The following TMED6 variants were observed in gnomAD, a reference collection of about 807,000 sequenced individuals.
TMED6 encodes transmembrane emp24 domain-containing protein 6.
TMED6 carries 17 observed loss-of-function variants against 26.5 expected under a neutral mutation model. That is an observed-to-expected ratio of 0.64 (90% CI 0.44 to 0.96). The LOEUF (loss-of-function observed/expected upper bound fraction) is 0.96, where lower values mean the gene tolerates loss of function less well. TMED6 is among the 40% of genes least tolerant of loss of function. The probability of loss-of-function intolerance (pLI) is 0.00; values close to 1 mark genes in which losing one functional copy is unlikely to be tolerated. For missense variants in TMED6, 309 were observed against 296.5 expected (o/e 1.04, Z -0.31); for synonymous variants, 107 against 106.2 (o/e 1.01, Z -0.04).
At chr16:69,345,729 A>AT (rs1256774997) in intron 3 of TMED6, among the ~76,000 whole-genome samples, 4 of 148,040 alleles carry the variant, frequency 2.7e-5, no homozygotes, top group Admixed American at 1.4e-4. Context: ...AAGGATTTTC[A>AT]TTTTTTTGAG....
rs375801873 is a variant in TMED6 at position 69,343,496 on chromosome 16, T to C, written c.634A>G (p.Ile212Val). The change falls in exon 4 of 4, where the codon ATT becomes GTT. Residue 212 changes from isoleucine (I) to valine (V), a missense_variant. By Grantham distance (29) the Ile-to-Val change is conservative. Transcript: ENST00000288025. ...AGTTGCAGGATCCCAGAAAGAATAA[T>C]AACAAGGCTCTGGGCTGTCGACCAC... ...NWWSTAQSLV[I>V]ILSGILQLYF... The C allele has an allele frequency of 2.5e-5, 40 of 1,614,026 alleles. No individual in the cohort carries two copies. The highest frequency in any genetic ancestry group is 3.3e-5 in the South Asian group (3 of 91,092).
intron 3 of TMED6, among the ~76,000 whole-genome samples, chr16:69,347,421 T>C (rs2012703244): frequency 6.6e-6 from 1 of 152,194 alleles, no homozygotes; most frequent in African/African-American, 2.4e-5. Context: ...TGTAGTGGCG[T>C]GATCTCGGCT....
At chr16:69,348,639 C>G (rs527722827) in intron 2 of TMED6, among the ~76,000 whole-genome samples, 1 of 150,888 alleles carries the variant, frequency 6.6e-6, no homozygotes, top group Non-Finnish European at 1.5e-5. Context: ...TTTTTTTAGA[C>G]GAGTCTCGCT....
intron 2 of TMED6, 63 bp from the exon 3 acceptor site, chr16:69,347,999 G>T (rs115830108): frequency 2.4e-5 from 37 of 1,562,406 alleles, no homozygotes; most frequent in Non-Finnish European, 3.2e-5. Flanking sequence ...AGGATTCCCT[G>T]GAGGTATCTG....
intron 1 of TMED6, among the ~76,000 whole-genome samples, chr16:69,350,269 CAAAAA>C (rs532374926): frequency 2.9e-5 from 2 of 70,152 alleles, no homozygotes. Context: ...AACACTCTGT[CAAAAA>C]AAAAAAAAAA....
In TMED6 at chr16:69,343,252, T is replaced by G; in HGVS notation, c.*155A>C. The G allele has an allele frequency of 4.6e-6, 3 of 657,446 alleles. No individual in the cohort carries two copies. Among genetic ancestry groups the G allele is most frequent in the South Asian group, 2.0e-5 (1 of 49,860 alleles). 40.7% of individuals were successfully genotyped at this position (657,446 alleles called of 1,614,324 possible). A position where few individuals can be genotyped will look rare whatever the true frequency, so the allele number is the denominator to read the frequency against. On this transcript the variant is annotated 3_prime_UTR_variant, in exon 4 of 4. Transcript: ENST00000288025. ...TTTAATACATACTTCTTCAGAACTT[T>G]TTCACTGTTATGATTTTATTGCCAT... is the stretch of plus-strand genomic sequence containing the variant.
At chr16:69,345,370 T>G (rs2012667195) in intron 3 of TMED6, among the ~76,000 whole-genome samples, 1 of 151,884 alleles carries the variant, frequency 6.6e-6, no homozygotes, top group African/African-American at 2.4e-5. Flanking sequence ...CCAGAATATA[T>G]AAACAAAATT....
intron 3 of TMED6, among the ~76,000 whole-genome samples, chr16:69,347,000 T>C (rs969031010): frequency 1.3e-5 from 2 of 151,986 alleles, no homozygotes; most frequent in Non-Finnish European, 2.9e-5. Flanking sequence ...ATCAAGCCAC[T>C]GCACACTGCA....
At chr16:69,348,647 G>A (rs980543552) in intron 2 of TMED6, among the ~76,000 whole-genome samples, 11 of 151,524 alleles carry the variant, frequency 7.3e-5, no homozygotes, top group Non-Finnish European at 1.0e-4. Context: ...GACGAGTCTC[G>A]CTCTGTTGCC....
Position 69,347,915 on chromosome 16 carries a change from C to G in TMED6, c.362G>C (p.Ser121Thr). The G allele has an allele frequency of 6.2e-7, 1 of 1,614,036 alleles. No individual in the cohort carries two copies. Among genetic ancestry groups the G allele is most frequent in the Non-Finnish European group, 8.5e-7 (1 of 1,179,976 alleles). The change falls in exon 3 of 4, where the codon AGT (serine) becomes ACT (threonine). Residue 121 changes from serine to threonine, a missense_variant. By Grantham distance (58) the Ser-to-Thr change is moderately conservative (BLOSUM62 1). Coordinates refer to ENST00000288025, the MANE Select transcript of TMED6 (RefSeq NM_144676.4). ...AGAACCGAAGTGATTATGCTGATTA[C>G]TTAGACAAAGCTGATAAAAACCTGT... ...QETGFYQLCL[S>T]NQHNHFGSVQ...
intron 3 of TMED6, among the ~76,000 whole-genome samples, chr16:69,346,788 C>T (rs2012693404): frequency 6.6e-6 from 1 of 152,076 alleles, no homozygotes; most frequent in Admixed American, 6.6e-5. Flanking sequence ...GTCACAAAAT[C>T]CCATGTACTG....
intron 3 of TMED6, among the ~76,000 whole-genome samples, chr16:69,346,219 C>G (rs1464482220): frequency 6.6e-6 from 1 of 152,188 alleles, no homozygotes; most frequent in Non-Finnish European, 1.5e-5. Flanking sequence ...CTGTGGTAAA[C>G]AGTCTCCAGT....
chr16:69,347,711 C>A, intron 3 of TMED6, 77 bp downstream of exon 3: 1 of 1,580,956 alleles, frequency 6.3e-7, no homozygotes, highest in South Asian at 1.1e-5. Flanking sequence ...TGGTTTCTAC[C>A]TAAATGAAGT....
rs772565309 is a variant in TMED6 at position 69,343,492 on chromosome 16, A to G, written c.638T>C (p.Ile213Thr). The G allele has an allele frequency of 6.8e-6, 11 of 1,614,216 alleles. No homozygotes were observed. The South Asian group carries it at 1.2e-4, about 18-fold the overall frequency. ...ATACAGTTGCAGGATCCCAGAAAGA[A>G]TAATAACAAGGCTCTGGGCTGTCGA... ...WWSTAQSLVIILSGILQLYFL... is the reference protein window; with the variant it reads ...WWSTAQSLVITLSGILQLYFL... The change falls in exon 4 of 4, where the codon ATT becomes ACT. Residue 213 changes from isoleucine to threonine, a missense_variant. By Grantham distance (89) the Ile-to-Thr change is moderately conservative. Transcript: ENST00000288025.
rs777201987 is a variant in TMED6 at position 69,347,917 on chromosome 16, T to TA, written c.359dup (p.Ser121LysfsTer2). On this transcript the variant is annotated frameshift_variant, in exon 3 of 4. Transcript: ENST00000288025. LOFTEE classifies it high-confidence loss of function. ...AACCGAAGTGATTATGCTGATTACT[T>TA]AGACAAAGCTGATAAAAACCTGTAG... The TA allele has an allele frequency of 5.0e-6, 8 of 1,613,982 alleles. No individual in the cohort carries two copies. Among genetic ancestry groups the TA allele is most frequent in the East Asian group, 2.2e-5 (1 of 44,896 alleles).
chr16:69,348,055 A>T, intron 2 of TMED6, 119 bp from the exon 3 acceptor site: 2 of 1,031,240 alleles, frequency 1.9e-6, no homozygotes, highest in Non-Finnish European at 2.8e-6. Context: ...TTTTACTTAG[A>T]AAGTACAAAG....
chr16:69,351,038 TA>T (rs58107152), intron 1 of TMED6, among the ~76,000 whole-genome samples: 3,647 of 143,716 alleles, frequency 0.025, 76 homozygotes, highest in Admixed American at 0.038. Flanking sequence ...CTTACCGTCC[TA>T]AAAAAAAAAA....
chr16:69,344,719 G>A (rs1018336472), intron 3 of TMED6, among the ~76,000 whole-genome samples: 6 of 150,694 alleles, frequency 4.0e-5, no homozygotes, highest in African/African-American at 1.5e-4. Context: ...GTTGCAGGGA[G>A]CTGAGATCGT....
intron 3 of TMED6, among the ~76,000 whole-genome samples, chr16:69,346,602 A>G (rs1470218589): frequency 1.3e-5 from 2 of 152,126 alleles, no homozygotes; most frequent in Non-Finnish European, 2.9e-5. Context: ...TGTCTCTACT[A>G]AAAATGCAAA....
Sources: gnomAD v4.1 joint callset for allele counts (sites outside exome capture counted in the v4.1 genomes callset) on GRCh38, gnomAD v4.1.1 for gene constraint, MANE v1.5 for transcripts, NCBI Gene and HGNC (gene_info 2026-07-23, HGNC 2026-07-21) for gene names.